TXNRD2: variants seen among roughly 807,000 people sequenced by gnomAD.
TXNRD2 encodes the protein thioredoxin reductase 2, mitochondrial.
In TXNRD2, 67 loss-of-function variants were observed where a neutral mutation model predicts 70.8. The ratio of observed to expected loss-of-function variants is 0.95; its 90% CI spans 0.78 to 1.16. TXNRD2 has a LOEUF of 1.16. Ranked by LOEUF, TXNRD2 falls within the 50% of genes most tolerant of loss-of-function variation. TXNRD2 has a pLI of 0.00. For missense variants in TXNRD2, 644 were observed against 719.9 expected (o/e 0.89, Z 1.21); for synonymous variants, 301 against 295.8 (o/e 1.02, Z -0.18).
chr22:19,904,687 C>T (rs554821467), intron 8 of TXNRD2, among the ~76,000 whole-genome samples: 3 of 152,174 alleles, frequency 2.0e-5, no homozygotes, highest in African/African-American at 4.8e-5. Flanking sequence ...TCGTGCACGC[C>T]GCAGAGCCCA....
chr22:19,916,130 G>A (rs1041598239), intron 5 of TXNRD2: 1 of 410,420 alleles, frequency 2.4e-6, no homozygotes, highest in South Asian at 2.1e-5. Context: ...CAGCCCTGGT[G>A]TGCAGCAAGA....
At chr22:19,876,509 C>G (rs1403944216) in intron 17 of TXNRD2, 1 of 152,366 alleles carries the variant, frequency 6.6e-6, no homozygotes, top group Non-Finnish European at 1.5e-5. Flanking sequence ...GCCCCCCGGT[C>G]AGCCTGGCTC....
At chr22:19,898,294 G>C (rs540503602) in intron 9 of TXNRD2, among the ~76,000 whole-genome samples, 164 bp from the exon 10 acceptor site, 2 of 152,332 alleles carry the variant, frequency 1.3e-5, no homozygotes, top group African/African-American at 4.8e-5. Context: ...TGCACAGGCT[G>C]GGGTTAGCAA....
intron 16 of TXNRD2, 104 bp downstream of exon 16, chr22:19,877,986 A>G: frequency 4.9e-6 from 5 of 1,010,264 alleles, no homozygotes; most frequent in Non-Finnish European, 4.6e-6. Context: ...CGAAGGCCAC[A>G]TAAATGCCGC....
chr22:19,928,876 G>A (rs1457266420), intron 2 of TXNRD2, among the ~76,000 whole-genome samples: 1 of 151,770 alleles, frequency 6.6e-6, no homozygotes, highest in Non-Finnish European at 1.5e-5. Context: ...TGTGGTGGCA[G>A]GCGCCTGTAA....
rs575695708 is a variant in TXNRD2 at position 19,913,832 on chromosome 22, C to T, written c.591+1382G>A. ...GAGTGTGGAAGGCATCCCCTCCAAA[C>T]GCACACAGAGCCCTCAGCAAAGACC... On this transcript the variant is annotated intron_variant, in intron 7 of 17. Coordinates refer to ENST00000400521, the MANE Select transcript of TXNRD2 (RefSeq NM_006440.5). Among the ~76,000 whole-genome samples, 213 of 152,290 alleles carry T rather than the reference C, an allele frequency of 1.4e-3. 2 individuals are homozygous for T. Among genetic ancestry groups the T allele is most frequent in the Non-Finnish European group, 4.4e-4 (30 of 68,026 alleles).
intron 2 of TXNRD2, among the ~76,000 whole-genome samples, chr22:19,922,492 C>A (rs1940954088): frequency 6.6e-6 from 1 of 152,172 alleles, no homozygotes. Context: ...TAAAAACAAA[C>A]CTTTCTCACA....
chr22:19,878,192 A>G lies in TXNRD2; in HGVS notation c.1348-5T>C. The G allele has an allele frequency of 6.2e-7, 1 of 1,612,578 alleles. No individual in the cohort carries two copies. The highest frequency in any genetic ancestry group is 8.5e-7 in the Non-Finnish European group (1 of 1,179,676). ...GGGCTCCCTCAGGCACACCATCTGAAAGCCGCACATCTCAGCCACCAGCCC... is the reference window on the plus strand; with the variant it reads ...GGGCTCCCTCAGGCACACCATCTGAGAGCCGCACATCTCAGCCACCAGCCC... On this transcript the variant is annotated splice_region_variant and splice_polypyrimidine_tract_variant and intron_variant, in intron 15 of 17. Transcript: ENST00000400521.
chr22:19,878,249 C>G, intron 15 of TXNRD2, 62 bp from the exon 16 acceptor site: 1 of 1,595,604 alleles, frequency 6.3e-7, no homozygotes, highest in Non-Finnish European at 8.6e-7. Flanking sequence ...CACCCTGCAT[C>G]CACCCTGCAC....
intron 8 of TXNRD2, among the ~76,000 whole-genome samples, chr22:19,901,908 A>G (rs1029177023): frequency 1.3e-5 from 2 of 152,196 alleles, no homozygotes; most frequent in African/African-American, 4.8e-5. Flanking sequence ...CTGCATTAAA[A>G]GACCCAGAGG....
intron 1 of TXNRD2, chr22:19,932,323 A>C: frequency 6.2e-7 from 1 of 1,612,508 alleles, no homozygotes; most frequent in Non-Finnish European, 8.5e-7. Context: ...TCATCCCTGG[A>C]ATTCCTTTTG....
intron 14 of TXNRD2, 50 bp from the exon 15 acceptor site, chr22:19,878,487 G>A (rs1041288613): frequency 7.1e-6 from 11 of 1,540,090 alleles, no homozygotes; most frequent in South Asian, 3.3e-5. Context: ...AACAAACCTC[G>A]TGGCACCTGC....
chr22:19,922,671 T>G (rs1396771614), intron 2 of TXNRD2, among the ~76,000 whole-genome samples: 1 of 152,056 alleles, frequency 6.6e-6, no homozygotes, highest in Admixed American at 6.6e-5. Context: ...CTACAGACTT[T>G]TGGTGTGGGA....
In TXNRD2 at chr22:19,880,627, C is replaced by G. The variant is rs369142382; in HGVS notation, c.1177G>C (p.Asp393His). The G allele has an allele frequency of 6.2e-7, 1 of 1,613,322 alleles. No individual in the cohort carries two copies. Among genetic ancestry groups the G allele is most frequent in the Non-Finnish European group, 8.5e-7 (1 of 1,179,904 alleles). ...FGGSSDLMDY[D>H]NVPTTVFTPL... ...CGTCCTGCTAGAGAACTCACATTGT[C>G]GTAGTCCATCAGATCTGAGGACCCG... Residue 393 changes from aspartate (D) to histidine (H), a missense_variant, in exon 13 of 18, where the codon GAC (aspartate) becomes CAC (histidine). Asp to His is a moderately conservative substitution (Grantham distance 81). Transcript: ENST00000400521.
chr22:19,902,647 C>T (rs1227172131), intron 8 of TXNRD2, among the ~76,000 whole-genome samples: 4 of 152,202 alleles, frequency 2.6e-5, no homozygotes, highest in African/African-American at 9.6e-5. Flanking sequence ...GATGCTGGGC[C>T]GGAGCCTCTG....
At chr22:19,903,394 A>G (rs1309467434) in intron 8 of TXNRD2, among the ~76,000 whole-genome samples, 1 of 152,216 alleles carries the variant, frequency 6.6e-6, no homozygotes, top group Non-Finnish European at 1.5e-5. Flanking sequence ...CAGACACAGC[A>G]AGAGGGAGGA....
Position 19,877,016 on chromosome 22 carries a change from A to G in TXNRD2, c.*65+24T>C. The G allele has an allele frequency of 8.8e-6, 13 of 1,479,742 alleles. 1 individual carries two copies. The South Asian group carries it at 1.6e-4, about 18-fold the overall frequency. The allele number at this position is 1,479,742 out of a possible 1,614,324, so 91.7% of individuals were successfully genotyped here. On this transcript the variant is annotated intron_variant, in intron 17 of 17. Coordinates refer to ENST00000400521, the MANE Select transcript of TXNRD2 (RefSeq NM_006440.5). Reference sequence around the variant, plus strand: ...CCCCTGCCACATGCCCTGTCCTCAAACAGAGCCAGCCCCACCTGCATACCT... The same window carrying G: ...CCCCTGCCACATGCCCTGTCCTCAAGCAGAGCCAGCCCCACCTGCATACCT...
Position 19,899,056 on chromosome 22 carries a change from C to G in TXNRD2, c.675G>C (p.Gly225=). 1.2e-6 allele frequency: 2 copies of G among 1,606,940 alleles called. No homozygotes were observed. Among genetic ancestry groups the G allele is most frequent in the Non-Finnish European group, 1.7e-6 (2 of 1,179,946 alleles). The change falls in exon 9 of 18, where the codon GGG becomes GGC. Residue 225 remains glycine (G), a synonymous_variant. Transcript: ENST00000400521. The part of the protein sequence containing the change: ...KESPGKTLVV[G]ASYVALECAG... ...CACGCTTGCAAAGGATACAGCTGGC[C>G]CCGACCACCAACCTGTTAGAGAAAC...
intron 1 of TXNRD2, among the ~76,000 whole-genome samples, chr22:19,940,244 C>CAAAAAAAAA: frequency 1.5e-5 from 1 of 68,488 alleles, no homozygotes; most frequent in African/African-American, 6.2e-5. Context: ...GACACTGTCT[C>CAAAAAAAAA]AAAAAAAAAA....
Sources: allele counts gnomAD v4.1 joint callset (sites outside exome capture counted in the v4.1 genomes callset), GRCh38; gene constraint gnomAD v4.1.1; transcripts MANE v1.5; gene names NCBI Gene and HGNC (gene_info 2026-07-23, HGNC 2026-07-21).